Variants in VWA3B observed in about 807,000 individuals in gnomAD.
VWA3B encodes von Willebrand factor A domain-containing protein 3B.
A neutral mutation model predicts 158.3 loss-of-function variants in VWA3B; 138 were observed. The ratio of observed to expected loss-of-function variants is 0.87; its 90% CI spans 0.76 to 1.00. VWA3B has a LOEUF of 1.00. VWA3B is among the 50% of genes least tolerant of loss of function. The pLI is 0.00. For missense variants in VWA3B, 1,555 were observed against 1,565.1 expected (o/e 0.99, Z 0.11); for synonymous variants, 596 against 587.3 (o/e 1.01, Z -0.21).
At chr2:98,133,766 C>G (rs989376657) in intron 6 of VWA3B, 58 bp from the exon 7 acceptor site, 2 of 1,469,132 alleles carry the variant, frequency 1.4e-6, no homozygotes, top group Non-Finnish European at 9.5e-7. Context: ...GGAGAAGGAA[C>G]AAGCATGCAC....
chr2:98,126,260 G>T (rs1429602259), intron 5 of VWA3B, among the ~76,000 whole-genome samples: 1 of 152,208 alleles, frequency 6.6e-6, no homozygotes, highest in Non-Finnish European at 1.5e-5. Flanking sequence ...CAGGTTTTGG[G>T]ATTAGTGCCA....
At chr2:98,126,836 CCTT>C (rs1559554145) in intron 5 of VWA3B, among the ~76,000 whole-genome samples, 1 of 152,190 alleles carries the variant, frequency 6.6e-6, no homozygotes, top group Non-Finnish European at 1.5e-5. Flanking sequence ...CCCACTCTGT[CCTT>C]CTCCTAAGTC....
intron 5 of VWA3B, among the ~76,000 whole-genome samples, chr2:98,122,960 C>T (rs1007009555): frequency 6.6e-6 from 1 of 152,218 alleles, no homozygotes; most frequent in African/African-American, 2.4e-5. Flanking sequence ...CCTGCACAGA[C>T]CGCTGTGCCC....
chr2:98,294,624 A>AT (rs1435049589), intron 23 of VWA3B, among the ~76,000 whole-genome samples: 1 of 152,258 alleles, frequency 6.6e-6, no homozygotes, highest in Non-Finnish European at 1.5e-5. Flanking sequence ...TGAAATCATT[A>AT]TTTGTGGAAA....
At chr2:98,319,245 G>C in the VWA3B span, among the ~76,000 whole-genome samples, 2 of 150,294 alleles carry the variant, frequency 1.3e-5, no homozygotes, top group African/African-American at 4.9e-5. Flanking sequence ...ACAGGTACTA[G>C]AAGAAAACAT....
intron 26 of VWA3B, among the ~76,000 whole-genome samples, chr2:98,308,102 G>C (rs1214922556): frequency 6.6e-6 from 1 of 152,028 alleles, no homozygotes; most frequent in Admixed American, 6.6e-5. Context: ...GATTCTTAAA[G>C]ACTTTTTTTA....
intron 8 of VWA3B, among the ~76,000 whole-genome samples, chr2:98,166,346 A>G (rs1175729103): frequency 1.3e-5 from 2 of 152,202 alleles, no homozygotes; most frequent in Non-Finnish European, 2.9e-5. Context: ...CAAAACAAAC[A>G]AACAAACAAA....
chr2:98,162,961 G>A lies in VWA3B; in HGVS notation c.1099G>A (p.Ala367Thr), dbSNP rs775402095. The change falls in exon 8 of 28, where the codon GCC becomes ACC. Residue 367 changes from alanine to threonine, a missense_variant. By Grantham distance (58) the Ala-to-Thr change is moderately conservative. Coordinates refer to ENST00000477737, the MANE Select transcript of VWA3B (RefSeq NM_144992.5). ...GGCCGAGCCTCCCAAGCCCGACGTG[G>A]CCACTGTGGACTGCGGTTGGTGCTA... is the stretch of plus-strand genomic sequence containing the variant. ...LVAEPPKPDV[A>T]TVDCESETTS... 15 of 1,614,008 alleles carry A rather than the reference G, an allele frequency of 9.3e-6. No homozygotes were observed. Among genetic ancestry groups the A allele is most frequent in the Non-Finnish European group, 1.3e-5 (15 of 1,180,036 alleles).
chr2:98,298,441 T>TCTATTCTATTCTATGCTATG (rs1553439678), intron 24 of VWA3B, among the ~76,000 whole-genome samples: 1 of 118,438 alleles, frequency 8.4e-6, no homozygotes, highest in Non-Finnish European at 1.9e-5. Flanking sequence ...TCTATTCTAT[T>TCTATTCTATTCTATGCTATG]CTATGCCATG....
chr2:98,273,389 C>T (rs1243659782), intron 22 of VWA3B, among the ~76,000 whole-genome samples: 2 of 152,188 alleles, frequency 1.3e-5, no homozygotes, highest in African/African-American at 4.8e-5. Context: ...ATTTTTATCA[C>T]AGAAGGTCAT....
At chr2:98,115,226 T>A (rs867552517) in intron 2 of VWA3B, among the ~76,000 whole-genome samples, 1 of 151,868 alleles carries the variant, frequency 6.6e-6, no homozygotes, top group South Asian at 2.1e-4. Context: ...TTCTCACTCA[T>A]AGGTGGGAAT....
intron 8 of VWA3B, among the ~76,000 whole-genome samples, chr2:98,180,384 G>A (rs965159553): frequency 2.6e-5 from 4 of 152,214 alleles, no homozygotes; most frequent in Non-Finnish European, 5.9e-5. Context: ...TAGAGATGCG[G>A]TTTCGCCATG....
chr2:98,222,022 A>G (rs985424177), intron 14 of VWA3B, among the ~76,000 whole-genome samples: 5 of 152,050 alleles, frequency 3.3e-5, no homozygotes, highest in Admixed American at 3.3e-4. Context: ...TCACCTCCAC[A>G]CTCACACAAC....
chr2:98,315,402 G>T (rs554197786), downstream of VWA3B, among the ~76,000 whole-genome samples: 3 of 152,288 alleles, frequency 2.0e-5, no homozygotes, highest in African/African-American at 7.2e-5. Context: ...CACAAGCCAG[G>T]GGCAGTGGGT....
At chr2:98,120,794 T>C (rs1258668078) in intron 4 of VWA3B, among the ~76,000 whole-genome samples, 1 of 152,232 alleles carries the variant, frequency 6.6e-6, no homozygotes, top group African/African-American at 2.4e-5. Context: ...AATACTCTGT[T>C]GAACTCAAAA....
At chr2:98,313,392 T>C (rs1463582462), downstream of VWA3B, 1 of 152,096 alleles carries the variant, frequency 6.6e-6, no homozygotes, top group East Asian at 1.9e-4. Context: ...CAAGGAACAG[T>C]GCTTGTGGGA....
chr2:98,292,972 A>AG (rs1472423250), intron 23 of VWA3B, among the ~76,000 whole-genome samples: 1 of 152,076 alleles, frequency 6.6e-6, no homozygotes, highest in East Asian at 1.9e-4. Flanking sequence ...TCCAAAAAAA[A>AG]AAGAGAGAGA....
At chr2:98,115,802 G>C in intron 3 of VWA3B, 56 bp downstream of exon 3, 1 of 1,412,066 alleles carries the variant, frequency 7.1e-7, no homozygotes, top group Non-Finnish European at 1.0e-6. Flanking sequence ...ACATCACATC[G>C]GAGAGTGCAG....
intron 1 of VWA3B, among the ~76,000 whole-genome samples, chr2:98,092,579 G>C (rs372132868): frequency 2.0e-5 from 3 of 151,938 alleles, no homozygotes; most frequent in Non-Finnish European, 4.4e-5. Flanking sequence ...GGAGGTGGAG[G>C]TTGCAGTGAG....
Sources: gnomAD v4.1 joint callset for allele counts (sites outside exome capture counted in the v4.1 genomes callset) on GRCh38, gnomAD v4.1.1 for gene constraint, MANE v1.5 for transcripts, NCBI Gene and HGNC (gene_info 2026-07-23, HGNC 2026-07-21) for gene names.